ENOX2: variants seen among roughly 807,000 people sequenced by gnomAD.
The protein encoded by ENOX2 is APK1 antigen.
A neutral mutation model predicts 45.0 loss-of-function variants in ENOX2; 36 were observed. The ratio of observed to expected loss-of-function variants is 0.80; its 90% CI spans 0.61 to 1.06. The LOEUF is 1.06. Ranked by LOEUF, ENOX2 falls within the 50% of genes least tolerant of loss-of-function variation. The probability of loss-of-function intolerance (pLI) is 0.00; values close to 1 mark genes in which losing one functional copy is unlikely to be tolerated. For missense variants in ENOX2, 423 were observed against 462.5 expected (o/e 0.91, Z 0.78); for synonymous variants, 174 against 152.3 (o/e 1.14, Z -1.05).
intron 11 of ENOX2, among the ~76,000 whole-genome samples, chrX:130,635,585 T>C (rs1347029761): frequency 2.7e-5 from 3 of 112,242 alleles, no homozygotes; most frequent in Admixed American, 9.4e-5. Context: ...ACAAATAATA[T>C]TTATTGAGTG....
intron 3 of ENOX2, 99 bp from the exon 4 acceptor site, chrX:130,703,353 C>T: frequency 1.2e-6 from 1 of 848,240 alleles, no homozygotes; most frequent in Non-Finnish European, 1.6e-6. Flanking sequence ...ATAGAAATGG[C>T]TGGAGAAATG....
chrX:130,868,067 C>T (rs1569324632), intron 2 of ENOX2, among the ~76,000 whole-genome samples: 1 of 111,576 alleles, frequency 9.0e-6, no homozygotes, highest in African/African-American at 3.3e-5. Context: ...CTGAGAATGG[C>T]TTTTTTTCTT....
At chrX:130,857,113 C>T (rs2078321474) in intron 2 of ENOX2, among the ~76,000 whole-genome samples, 1 of 111,795 alleles carries the variant, frequency 8.9e-6, no homozygotes, top group East Asian at 2.8e-4. Context: ...TATAATGGCA[C>T]ATTACTCAAA....
intron 2 of ENOX2, among the ~76,000 whole-genome samples, chrX:130,791,784 A>C (rs1307538547): frequency 9.0e-6 from 1 of 111,586 alleles, no homozygotes; most frequent in Non-Finnish European, 1.9e-5. Context: ...GTGATGGTAG[A>C]CAATCACACA....
intron 1 of ENOX2, among the ~76,000 whole-genome samples, chrX:130,902,715 C>G (rs1385113044): frequency 9.5e-6 from 1 of 105,471 alleles, no homozygotes; most frequent in Non-Finnish European, 1.9e-5. Flanking sequence ...TAGGCAAAAC[C>G]CTGGACGCAA....
At chrX:130,780,277 C>T (rs1325475644) in intron 3 of ENOX2, among the ~76,000 whole-genome samples, 1 of 112,016 alleles carries the variant, frequency 8.9e-6, no homozygotes, top group Non-Finnish European at 1.9e-5. Flanking sequence ...TCCACATAAA[C>T]ACAGCTTTCC....
chrX:130,717,087 C>T (rs1015590348), intron 3 of ENOX2, among the ~76,000 whole-genome samples: 4 of 111,992 alleles, frequency 3.6e-5, no homozygotes, highest in African/African-American at 1.3e-4. Flanking sequence ...GGGTGAATTC[C>T]CTGTAAATAA....
At chrX:130,819,826 T>C (rs1429824596) in intron 2 of ENOX2, among the ~76,000 whole-genome samples, 12 of 111,361 alleles carry the variant, frequency 1.1e-4, no homozygotes, top group African/African-American at 3.9e-4. Context: ...CAAACCTGCA[T>C]GTTCTGCACA....
intron 2 of ENOX2, among the ~76,000 whole-genome samples, chrX:130,880,121 T>C (rs1221053753): frequency 9.0e-6 from 1 of 111,253 alleles, no homozygotes; most frequent in Non-Finnish European, 1.9e-5. Flanking sequence ...ACAAAAAAGC[T>C]GGGGAGGATG....
chrX:130,883,892 CT>C (rs889195374), intron 2 of ENOX2, among the ~76,000 whole-genome samples: 1 of 112,321 alleles, frequency 8.9e-6, no homozygotes, highest in African/African-American at 3.2e-5. Context: ...AGATGAAAGA[CT>C]TTTTCTTTAG....
intron 3 of ENOX2, among the ~76,000 whole-genome samples, chrX:130,736,388 T>C (rs2038862445): frequency 9.0e-6 from 1 of 111,301 alleles, no homozygotes; most frequent in Admixed American, 9.5e-5. Flanking sequence ...GGATTGTGGC[T>C]ATACAACTTA....
chrX:130,655,640 T>C (rs954994382), intron 10 of ENOX2, among the ~76,000 whole-genome samples: 1 of 111,846 alleles, frequency 8.9e-6, no homozygotes, highest in African/African-American at 3.3e-5. Flanking sequence ...TGTTTTTTTG[T>C]TTGTTTGTTT....
At chrX:130,898,400 T>C (rs1057001112) in intron 2 of ENOX2, among the ~76,000 whole-genome samples, 5 of 112,297 alleles carry the variant, frequency 4.5e-5, no homozygotes, top group African/African-American at 1.6e-4. Context: ...GCAATCTTAC[T>C]ACTTGCAGCA....
At position 130,635,092 on chromosome X, in the gene ENOX2, C is replaced by T; in HGVS notation, c.1312-1G>A. The T allele has an allele frequency of 9.3e-7, 1 of 1,069,864 alleles. No individual in the cohort carries two copies. Among genetic ancestry groups the T allele is most frequent in the Non-Finnish European group, 1.3e-6 (1 of 777,098 alleles). 88.2% of individuals were successfully genotyped at this position (1,069,864 alleles called of 1,213,427 possible). ...ATTCCTCTTGGACTTTGAGTAGATG[C>T]TACAAGAAAAGACCAAAGACAATCA... On this transcript the variant is annotated splice_acceptor_variant, in intron 11 of 14. Transcript: ENST00000394363. LOFTEE classifies it high-confidence loss of function.
chrX:130,731,260 T>C (rs1442092892), intron 3 of ENOX2, among the ~76,000 whole-genome samples: 1 of 112,163 alleles, frequency 8.9e-6, no homozygotes, highest in Non-Finnish European at 1.9e-5. Context: ...AAGTTTACGG[T>C]ACATAGCAAA....
chrX:130,699,697 T>A (rs967676937), intron 4 of ENOX2, among the ~76,000 whole-genome samples: 2 of 111,604 alleles, frequency 1.8e-5, no homozygotes, highest in African/African-American at 6.5e-5. Context: ...GTAGGGAGCA[T>A]TGGAGTGTCG....
intron 2 of ENOX2, among the ~76,000 whole-genome samples, chrX:130,873,037 T>C (rs1050598814): frequency 1.8e-5 from 2 of 111,767 alleles, no homozygotes; most frequent in Non-Finnish European, 3.8e-5. Context: ...AAAGCCAAAA[T>C]TGACAAATGG....
intron 3 of ENOX2, among the ~76,000 whole-genome samples, chrX:130,737,383 T>C (rs2038884145): frequency 8.9e-6 from 1 of 112,395 alleles, no homozygotes; most frequent in African/African-American, 3.2e-5. Flanking sequence ...TTACTTGACA[T>C]ATATAATCTA....
At chrX:130,809,103 T>TG (rs1219724807) in intron 2 of ENOX2, among the ~76,000 whole-genome samples, 1 of 112,406 alleles carries the variant, frequency 8.9e-6, no homozygotes, top group Non-Finnish European at 1.9e-5. Context: ...AGGTGACAAA[T>TG]GCAACAAATG....
Sources: gnomAD v4.1 joint callset for allele counts (sites outside exome capture counted in the v4.1 genomes callset) on GRCh38, gnomAD v4.1.1 for gene constraint, MANE v1.5 for transcripts, NCBI Gene and HGNC (gene_info 2026-07-23, HGNC 2026-07-21) for gene names.